The following MYEF2 variants were observed in gnomAD, a reference collection of about 807,000 sequenced individuals.
MYEF2 encodes myelin expression factor 2.
Under a neutral mutation model 75.2 loss-of-function variants are expected in MYEF2, and 37 were observed. The observed-to-expected ratio is 0.49, with a 90% CI of 0.38 to 0.65. MYEF2 has a LOEUF of 0.65. MYEF2 is among the 30% of genes least tolerant of loss of function. The probability of loss-of-function intolerance (pLI) is 0.00; values close to 1 mark genes in which losing one functional copy is unlikely to be tolerated. For synonymous variants in MYEF2, 195 were observed against 241.6 expected (o/e 0.81, Z 1.79); for missense variants, 634 against 771.4 (o/e 0.82, Z 2.11).
Position 48,141,133 on chromosome 15 carries a change from G to C in MYEF2, c.*1775C>G. The C allele has an allele frequency of 1.2e-6, 2 of 1,613,234 alleles. No homozygotes were observed. The highest frequency in any genetic ancestry group is 1.7e-4 in the Middle Eastern group (1 of 6,056). Reference sequence around the variant, plus strand: ...TACAGGGGAAACACTAGAAATTCCCGATACAGTAATGGGCCTTACTTTATT... The same window carrying C: ...TACAGGGGAAACACTAGAAATTCCCCATACAGTAATGGGCCTTACTTTATT... On this transcript the variant is annotated 3_prime_UTR_variant, in exon 17 of 17. Transcript: ENST00000324324.
chr15:48,157,772 C>T, intron 9 of MYEF2: 1 of 1,283,714 alleles, frequency 7.8e-7, no homozygotes, highest in Non-Finnish European at 9.9e-7. Context: ...GAATGTATTG[C>T]TGATTAGTCA....
rs115878304 is a variant in MYEF2, at chr15:48,139,285, T to C, written c.*3623A>G. ...CACAGCAAATTTCTTTTCAGCAAGATTGAAGATTAGTACCATTTACAAAAT... is the reference window on the plus strand; with the variant it reads ...CACAGCAAATTTCTTTTCAGCAAGACTGAAGATTAGTACCATTTACAAAAT... On this transcript the variant is annotated 3_prime_UTR_variant, in exon 17 of 17. Transcript: ENST00000324324. 3.6e-3 allele frequency: 3,066 copies of C among 843,420 alleles called. 67 individuals carry two copies. The African/African-American group carries it at 0.047, about 13-fold the overall frequency. The allele number at this position is 843,420 out of a possible 1,614,324, so 52.2% of individuals were successfully genotyped here. A position where few individuals can be genotyped will look rare whatever the true frequency, so the allele number is the denominator to read the frequency against.
At chr15:48,166,561 T>C (rs879156776) in intron 3 of MYEF2, among the ~76,000 whole-genome samples, 3 of 152,044 alleles carry the variant, frequency 2.0e-5, no homozygotes, top group Admixed American at 6.5e-5. Flanking sequence ...ATATTAATTT[T>C]ATTTTTAACA....
At chr15:48,148,441 A>T (rs1484924457) in intron 16 of MYEF2, among the ~76,000 whole-genome samples, 1 of 152,038 alleles carries the variant, frequency 6.6e-6, no homozygotes, top group Non-Finnish European at 1.5e-5. Flanking sequence ...GTATCATTAT[A>T]GTTAAGAACA....
chr15:48,169,575 G>A (rs988471122), intron 1 of MYEF2, among the ~76,000 whole-genome samples: 2 of 149,558 alleles, frequency 1.3e-5, no homozygotes, highest in Non-Finnish European at 3.0e-5. Flanking sequence ...TAAAAGCAAC[G>A]TAAGCCAAAA....
rs1051630580 is a variant in MYEF2, at chr15:48,138,455, G to A, written c.*4453C>T. ...TAATAAATAAAATAGTAATGAAATA[G>A]GACAAAAAAACCACTTCCACTAAGA... is the stretch of plus-strand genomic sequence containing the variant. On this transcript the variant is annotated 3_prime_UTR_variant, in exon 17 of 17. Coordinates refer to ENST00000324324, the MANE Select transcript of MYEF2 (RefSeq NM_016132.5). 6 of 151,886 alleles carry A rather than the reference G, an allele frequency of 4.0e-5. No homozygotes were observed. Among genetic ancestry groups the A allele is most frequent in the African/African-American group, 1.5e-4 (6 of 41,340 alleles). 9.4% of individuals were successfully genotyped at this position (151,886 alleles called of 1,614,324 possible).
intron 16 of MYEF2, 42 bp downstream of exon 16, chr15:48,148,990 C>T (rs758013266): frequency 6.2e-7 from 1 of 1,603,380 alleles, no homozygotes; most frequent in African/African-American, 1.3e-5. Flanking sequence ...AATTTTCCTC[C>T]ATAATCAATA....
intron 11 of MYEF2, 100 bp from the exon 12 acceptor site, chr15:48,152,042 C>G (rs1399200764): frequency 7.8e-7 from 1 of 1,279,264 alleles, no homozygotes; most frequent in African/African-American, 1.5e-5. Context: ...CTTCATCCAC[C>G]CTACCTTGTG....
Position 48,136,472 on chromosome 15 carries a change from A to C in MYEF2, c.*6436T>G, listed in dbSNP as rs559166431. The C allele has an allele frequency of 4.6e-5, 18 of 395,512 alleles. No homozygotes were observed. Among genetic ancestry groups the C allele is most frequent in the East Asian group, 1.5e-4 (4 of 26,644 alleles). The allele number at this position is 395,512 out of a possible 1,614,324, so 24.5% of individuals were successfully genotyped here. On this transcript the variant is annotated 3_prime_UTR_variant, in exon 17 of 17. Transcript: ENST00000324324. ...GTTGATCTTGTTTTTAAAAAAAAAA[A>C]AACAACACAGAAGTGTCCAGCTTTT... is the stretch of plus-strand genomic sequence containing the variant.
At chr15:48,166,921 T>A (rs1376977761) in intron 3 of MYEF2, among the ~76,000 whole-genome samples, 1 of 152,084 alleles carries the variant, frequency 6.6e-6, no homozygotes, top group African/African-American at 2.4e-5. Flanking sequence ...GCCTCTCATG[T>A]AGTCCTGCAG....
intron 1 of MYEF2, among the ~76,000 whole-genome samples, chr15:48,172,923 T>G (rs1187596955): frequency 1.3e-5 from 2 of 152,090 alleles, no homozygotes; most frequent in Non-Finnish European, 2.9e-5. Flanking sequence ...CTACCAAACA[T>G]TTAAGAACTA....
intron 11 of MYEF2, 138 bp downstream of exon 11, chr15:48,152,096 G>T: frequency 8.6e-7 from 1 of 1,157,172 alleles, no homozygotes; most frequent in Non-Finnish European, 1.3e-6. Context: ...TATGTACCAG[G>T]CTCAATTTCT....
At chr15:48,168,881 G>A (rs920333229) in intron 1 of MYEF2, 42 bp from the exon 2 acceptor site, 15 of 1,435,082 alleles carry the variant, frequency 1.0e-5, no homozygotes, top group African/African-American at 1.4e-5. Context: ...ACCCTCAGTT[G>A]TGCTTATAAG....
chr15:48,162,947 G>A (rs2040000323), intron 5 of MYEF2: 1 of 152,044 alleles, frequency 6.6e-6, no homozygotes, highest in Non-Finnish European at 1.5e-5. Flanking sequence ...CCCTAAAATG[G>A]CTTCTAAGTG....
Position 48,142,130 on chromosome 15 carries a change from T to C in MYEF2, c.*778A>G, listed in dbSNP as rs900487715. On this transcript the variant is annotated 3_prime_UTR_variant, in exon 17 of 17. Coordinates refer to ENST00000324324, the MANE Select transcript of MYEF2 (RefSeq NM_016132.5). Reference sequence around the variant, plus strand: ...TATTAAAACTGCATTTATAAATGGATCAGCTCCTGCAGAAGTAAACAGCAG... The same window carrying C: ...TATTAAAACTGCATTTATAAATGGACCAGCTCCTGCAGAAGTAAACAGCAG... The C allele has an allele frequency of 6.2e-7, 1 of 1,613,842 alleles. No individual in the cohort carries two copies. Among genetic ancestry groups the C allele is most frequent in the Non-Finnish European group, 8.5e-7 (1 of 1,179,834 alleles).
Position 48,142,538 on chromosome 15 carries a change from T to C in MYEF2, c.*370A>G, listed in dbSNP as rs1404803185. On this transcript the variant is annotated 3_prime_UTR_variant, in exon 17 of 17. Coordinates refer to ENST00000324324, the MANE Select transcript of MYEF2 (RefSeq NM_016132.5). ...CTTTCTTTTCATGAAAAATTACATA[T>C]TATAAAACAGAAGTTTGGGGGGAAA... is the stretch of plus-strand genomic sequence containing the variant. The C allele has an allele frequency of 7.7e-6, 4 of 517,110 alleles. No homozygotes were observed. The highest frequency in any genetic ancestry group is 6.4e-5 in the East Asian group (2 of 31,234). The allele number at this position is 517,110 out of a possible 1,614,324, so 32.0% of individuals were successfully genotyped here.
intron 3 of MYEF2, among the ~76,000 whole-genome samples, chr15:48,166,842 T>C (rs1422030319): frequency 6.6e-6 from 1 of 152,042 alleles, no homozygotes; most frequent in African/African-American, 2.4e-5. Flanking sequence ...AATCAAAATA[T>C]ACTATCAACC....
rs867001967 is a variant in MYEF2 at position 48,149,979 on chromosome 15, C to A, written c.1379-608G>T. On this transcript the variant is annotated intron_variant, in intron 14 of 16. Transcript: ENST00000324324. This position sits in a 1 kb window ranked among gnomAD's most constrained non-coding sequence, Gnocchi z 4.0. Reference sequence around the variant, plus strand: ...CATAACTTTTAATCTCAATATTACACGGAACTTGTCAAGGGAACAAAAAAT... The same window carrying A: ...CATAACTTTTAATCTCAATATTACAAGGAACTTGTCAAGGGAACAAAAAAT... The A allele has an allele frequency of 6.6e-6, 1 of 152,064 alleles. No homozygotes were observed. The highest frequency in any genetic ancestry group is 6.6e-5 in the Admixed American group (1 of 15,212). 9.4% of individuals were successfully genotyped at this position (152,064 alleles called of 1,614,324 possible). A position where few individuals can be genotyped will look rare whatever the true frequency, so the allele number is the denominator to read the frequency against.
At chr15:48,159,350 T>G (rs2039841973) in intron 6 of MYEF2, among the ~76,000 whole-genome samples, 1 of 152,068 alleles carries the variant, frequency 6.6e-6, no homozygotes, top group South Asian at 2.1e-4. Context: ...ACATATAATT[T>G]CAAGAACTGC....
Sources: gnomAD v4.1 joint callset for allele counts (sites outside exome capture counted in the v4.1 genomes callset) on GRCh38, gnomAD v4.1.1 for gene constraint, Gnocchi (gnomAD v3.1) non-coding constraint, MANE v1.5 for transcripts, NCBI Gene and HGNC (gene_info 2026-07-23, HGNC 2026-07-21) for gene names.